Variants in CTBP2 observed in about 807,000 individuals in gnomAD.
CTBP2 encodes C-terminal-binding protein 2.
A neutral mutation model predicts 80.3 loss-of-function variants in CTBP2; 30 were observed. The ratio of observed to expected loss-of-function variants is 0.37; its 90% CI spans 0.28 to 0.51. The LOEUF is 0.51. CTBP2 is among the 20% of genes least tolerant of loss of function. The pLI, the probability that CTBP2 is intolerant of heterozygous loss-of-function variation, is 0.93. For synonymous variants in CTBP2, 594 were observed against 587.4 expected, an observed-to-expected ratio of 1.01 and a Z score of -0.16; for missense variants, 1,212 against 1,375.3, an observed-to-expected ratio of 0.88 and a Z score of 1.88.
chr10:125,032,283 C>G (rs1234144961), upstream of CTBP2, among the ~76,000 whole-genome samples: 1 of 152,184 alleles, frequency 6.6e-6, no homozygotes, highest in Admixed American at 6.5e-5. Context: ...GAACACCACC[C>G]CTTCTGCTCT....
At chr10:125,010,951 C>T (rs780386364) in intron 1 of CTBP2, among the ~76,000 whole-genome samples, 7 of 152,348 alleles carry the variant, frequency 4.6e-5, no homozygotes, top group South Asian at 2.1e-4. Flanking sequence ...ACACTAAAAA[C>T]GCCAGGATCT....
exon 1 of CTBP2, chr10:125,160,334 C>G (rs991386053): frequency 6.6e-6 from 1 of 151,526 alleles, no homozygotes; most frequent in Non-Finnish European, 1.5e-5. Flanking sequence ...CCCGGACGGT[C>G]GGCGTCCACG....
At chr10:125,055,099 C>G (rs1327279638) in intron 2 of CTBP2, among the ~76,000 whole-genome samples, 1 of 152,192 alleles carries the variant, frequency 6.6e-6, no homozygotes, top group Non-Finnish European at 1.5e-5. Flanking sequence ...ATTAAGAATG[C>G]AGCCTCCTAG....
chr10:125,001,741 C>T (rs1013874572), intron 3 of CTBP2, among the ~76,000 whole-genome samples: 3 of 152,192 alleles, frequency 2.0e-5, no homozygotes, highest in Non-Finnish European at 4.4e-5. Flanking sequence ...CCTGCTCGCC[C>T]GGCTCCCCAG....
intron 2 of CTBP2, among the ~76,000 whole-genome samples, chr10:125,088,605 CTCATTACCT>C (rs368315881): frequency 1.2e-3 from 178 of 152,296 alleles, no homozygotes; most frequent in African/African-American, 3.7e-3. Flanking sequence ...ATCACTATTG[CTCATTACCT>C]TCTGAACTGC....
intron 1 of CTBP2, among the ~76,000 whole-genome samples, chr10:125,120,996 T>C (rs1854234374): frequency 6.6e-6 from 1 of 152,230 alleles, no homozygotes; most frequent in Admixed American, 6.5e-5. Context: ...CCTTTATCTA[T>C]TGCAAAAGGC....
chr10:125,017,324 A>C (rs750622933), intron 1 of CTBP2, among the ~76,000 whole-genome samples: 3 of 152,244 alleles, frequency 2.0e-5, no homozygotes, highest in Non-Finnish European at 4.4e-5. Flanking sequence ...CGATAAAGGC[A>C]GGAGAAACTC....
intron 2 of CTBP2, among the ~76,000 whole-genome samples, chr10:125,070,136 A>G (rs11245488): frequency 0.38 from 53,068 of 139,470 alleles, 9,268 homozygotes; most frequent in Middle Eastern, 0.5. Context: ...CGGATCACAA[A>G]GTCAGGAGAT....
At chr10:125,050,814 G>A (rs1263521602) in intron 2 of CTBP2, among the ~76,000 whole-genome samples, 2 of 152,202 alleles carry the variant, frequency 1.3e-5, no homozygotes, top group Admixed American at 6.5e-5. Flanking sequence ...ATAAGTTAGT[G>A]GAAAGAGGTT....
At chr10:125,145,558 A>T (rs1444400563) in intron 1 of CTBP2, among the ~76,000 whole-genome samples, 3 of 152,178 alleles carry the variant, frequency 2.0e-5, no homozygotes, top group Non-Finnish European at 4.4e-5. Context: ...CTCCCTCCTG[A>T]TAAAACAGGG....
chr10:125,063,505 G>A (rs1186148807), intron 2 of CTBP2, among the ~76,000 whole-genome samples: 2 of 152,156 alleles, frequency 1.3e-5, no homozygotes, highest in East Asian at 1.9e-4. Context: ...ATCCTTTCTT[G>A]CTGTGGCAAA....
At chr10:125,122,640 A>G (rs1223260030) in intron 1 of CTBP2, 1 of 152,264 alleles carries the variant, frequency 6.6e-6, no homozygotes, top group African/African-American at 2.4e-5. Flanking sequence ...CATGCAACAC[A>G]GATGAACAAA....
rs146173395 is a variant in CTBP2, at chr10:125,022,751, C to T, written c.1678+3331G>A. Among the ~76,000 whole-genome samples, 903 of 152,336 alleles carry T rather than the reference C, an allele frequency of 5.9e-3. 6 individuals are homozygous for T. Among genetic ancestry groups the T allele is most frequent in the African/African-American group, 0.02 (827 of 41,574 alleles). On this transcript the variant is annotated intron_variant, in intron 1 of 8. Coordinates refer to ENST00000309035, the MANE Select transcript of CTBP2 (RefSeq NM_022802.3). Reference sequence around the variant, plus strand: ...CAGCCTGGGGTCACAGCCCCTGGACCTCACCCCCAAATGTCCTTGTGCTCT... The same window carrying T: ...CAGCCTGGGGTCACAGCCCCTGGACTTCACCCCCAAATGTCCTTGTGCTCT...
intron 1 of CTBP2, among the ~76,000 whole-genome samples, chr10:125,153,747 G>T (rs1860426226): frequency 6.6e-6 from 1 of 152,208 alleles, no homozygotes; most frequent in African/African-American, 2.4e-5. Flanking sequence ...GCCCCATTAG[G>T]CCAGAGGAGT....
intron 1 of CTBP2, among the ~76,000 whole-genome samples, chr10:125,154,497 C>A (rs182974418): frequency 3.6e-4 from 55 of 152,362 alleles, no homozygotes; most frequent in African/African-American, 1.1e-3. Context: ...CATTTCATCA[C>A]AATTTTTGTG....
intron 1 of CTBP2, among the ~76,000 whole-genome samples, chr10:125,154,805 A>C (rs749356428): frequency 1.3e-5 from 2 of 152,250 alleles, no homozygotes; most frequent in Non-Finnish European, 2.9e-5. Context: ...CTCGGCTCCC[A>C]CGTGGAAGGA....
chr10:125,080,481 C>T (rs958356696), intron 2 of CTBP2, among the ~76,000 whole-genome samples: 6 of 152,174 alleles, frequency 3.9e-5, no homozygotes, highest in South Asian at 2.1e-4. Flanking sequence ...TGAGCGCTGT[C>T]GACCTGACAA....
chr10:125,001,791 A>G (rs566029276), intron 3 of CTBP2, among the ~76,000 whole-genome samples: 1 of 152,268 alleles, frequency 6.6e-6, no homozygotes, highest in East Asian at 1.9e-4. Flanking sequence ...TGCTTCCGGT[A>G]CCTGGGTGCT....
intron 1 of CTBP2, chr10:125,006,064 C>T (rs2134323040): frequency 1.5e-6 from 2 of 1,307,392 alleles, no homozygotes; most frequent in East Asian, 3.1e-5. Flanking sequence ...ACCAGGGTAA[C>T]AAACTCCAGG....
Sources: gnomAD v4.1 joint callset for allele counts (sites outside exome capture counted in the v4.1 genomes callset) on GRCh38, gnomAD v4.1.1 for gene constraint, MANE v1.5 for transcripts, NCBI Gene and HGNC (gene_info 2026-07-23, HGNC 2026-07-21) for gene names.